Variants in MED27 observed in about 807,000 individuals in gnomAD.
MED27 encodes mediator complex subunit 27, also known as mediator of RNA polymerase II transcription subunit 27.
In MED27, 30 loss-of-function variants were observed where a neutral mutation model predicts 38.2. The observed-to-expected ratio is 0.79, with a 90% CI of 0.59 to 1.07. MED27 has a LOEUF of 1.07. MED27 is among the 50% of genes least tolerant of loss of function. The pLI is 0.00. For synonymous variants in MED27, 122 were observed against 153.5 expected, an observed-to-expected ratio of 0.79 and a Z score of 1.52; for missense variants, 289 against 397.5, an observed-to-expected ratio of 0.73 and a Z score of 2.32.
chr9:132,012,046 G>T, intron 3 of MED27, among the ~76,000 whole-genome samples: 1 of 151,528 alleles, frequency 6.6e-6, no homozygotes. Context: ...CCTGTAAACA[G>T]GTTTCAAGCC....
intron 3 of MED27, among the ~76,000 whole-genome samples, chr9:131,963,266 A>C (rs1733861226): frequency 6.6e-6 from 1 of 152,188 alleles, no homozygotes; most frequent in Non-Finnish European, 1.5e-5. Context: ...TGTTCCAAAC[A>C]GATTAAGTTT....
intron 4 of MED27, among the ~76,000 whole-genome samples, chr9:131,894,985 C>T (rs1440072493): frequency 1.3e-5 from 2 of 152,142 alleles, no homozygotes; most frequent in East Asian, 3.9e-4. Context: ...TCACACGTGT[C>T]TGCCTCCCCT....
chr9:132,053,478 T>C (rs1360073765), intron 2 of MED27, among the ~76,000 whole-genome samples: 1 of 152,198 alleles, frequency 6.6e-6, no homozygotes, highest in Middle Eastern at 3.4e-3. Flanking sequence ...GGAAAGTCTA[T>C]TGAGAGGCTT....
intron 3 of MED27, among the ~76,000 whole-genome samples, chr9:131,962,962 A>G (rs1488925779): frequency 6.6e-6 from 1 of 152,232 alleles, no homozygotes; most frequent in African/African-American, 2.4e-5. Flanking sequence ...TGTGGACGAC[A>G]TTTCAGCATT....
At position 131,933,060 on chromosome 9, in the gene MED27, C is replaced by T. The variant is rs185244465; in HGVS notation, c.573+6321G>A. Among the ~76,000 whole-genome samples, 163 of 152,134 alleles carry T rather than the reference C, an allele frequency of 1.1e-3. 1 individual carries two copies. Among genetic ancestry groups the T allele is most frequent in the African/African-American group, 3.8e-3 (158 of 41,532 alleles). Reference sequence around the variant, plus strand: ...ATACTGAAAAAACATTTGATAAAAACCAACATCATTTTATGATAAAAACCT... The same window carrying T: ...ATACTGAAAAAACATTTGATAAAAATCAACATCATTTTATGATAAAAACCT... On this transcript the variant is annotated intron_variant, in intron 4 of 7. Coordinates refer to ENST00000292035, the MANE Select transcript of MED27 (RefSeq NM_004269.4).
intron 6 of MED27, among the ~76,000 whole-genome samples, chr9:131,864,453 A>C (rs1013183948): frequency 2.0e-5 from 3 of 152,244 alleles, no homozygotes; most frequent in Non-Finnish European, 4.4e-5. Context: ...ACTGCACTCC[A>C]GCCTGGGCGA....
At chr9:131,877,842 T>C (rs1838963935) in intron 6 of MED27, among the ~76,000 whole-genome samples, 1 of 152,186 alleles carries the variant, frequency 6.6e-6, no homozygotes, top group Non-Finnish European at 1.5e-5. Flanking sequence ...CAACGCAATA[T>C]CAGGTGTCCA....
Position 132,004,827 on chromosome 9 carries a change from G to T in MED27, c.479+9510C>A, listed in dbSNP as rs749885204. Among the ~76,000 whole-genome samples the T allele has an allele frequency of 1.2e-3, 177 of 152,334 alleles. 1 individual carries two copies. The highest frequency in any genetic ancestry group is 2.6e-4 in the Non-Finnish European group (18 of 68,038). The stretch of plus-strand genomic sequence containing the variant: ...AGGATGTTTTGAGCCTCATCAGCCA[G>T]GTGAGCAGCACACAGAGGAACGAGC... On this transcript the variant is annotated intron_variant, in intron 3 of 7. Transcript: ENST00000292035.
intron 4 of MED27, among the ~76,000 whole-genome samples, chr9:131,915,479 G>A (rs1191462088): frequency 6.6e-6 from 1 of 152,104 alleles, no homozygotes; most frequent in Non-Finnish European, 1.5e-5. Context: ...GATGGGGAGG[G>A]GGAAAAGACA....
At chr9:132,007,777 G>C (rs1589262651) in intron 3 of MED27, among the ~76,000 whole-genome samples, 1 of 152,064 alleles carries the variant, frequency 6.6e-6, no homozygotes, top group African/African-American at 2.4e-5. Flanking sequence ...GCCAGGAGTA[G>C]GTGAGAGGGA....
chr9:132,019,692 G>A (rs1832678473), intron 2 of MED27, among the ~76,000 whole-genome samples: 1 of 152,238 alleles, frequency 6.6e-6, no homozygotes, highest in Admixed American at 6.5e-5. Context: ...CCATTCGCAG[G>A]AGGACGGTGG....
intron 4 of MED27, among the ~76,000 whole-genome samples, chr9:131,934,076 C>T (rs879837094): frequency 3.3e-5 from 5 of 152,080 alleles, no homozygotes; most frequent in South Asian, 2.1e-4. Flanking sequence ...TTTCCATATG[C>T]AGAAGAATGA....
chr9:131,892,193 G>T (rs1181648216), intron 5 of MED27, among the ~76,000 whole-genome samples: 8 of 152,146 alleles, frequency 5.3e-5, no homozygotes, highest in Admixed American at 5.2e-4. Context: ...GGGAAGACAA[G>T]AAAGAAGGAA....
At chr9:131,956,233 A>T (rs1831095122) in intron 3 of MED27, among the ~76,000 whole-genome samples, 1 of 152,376 alleles carries the variant, frequency 6.6e-6, no homozygotes, top group Middle Eastern at 3.4e-3. Flanking sequence ...CCATAGAGAC[A>T]GAAAGTAGAA....
At chr9:132,018,192 T>C (rs1430339832) in intron 2 of MED27, among the ~76,000 whole-genome samples, 1 of 152,206 alleles carries the variant, frequency 6.6e-6, no homozygotes, top group African/African-American at 2.4e-5. Context: ...GTATTTGATG[T>C]GAAGGAATGT....
chr9:132,034,247 GA>G (rs1833024683), intron 2 of MED27, among the ~76,000 whole-genome samples: 1 of 152,172 alleles, frequency 6.6e-6, no homozygotes, highest in African/African-American at 2.4e-5. Flanking sequence ...ATCTGAAGCA[GA>G]AAACAAGTGA....
intron 2 of MED27, among the ~76,000 whole-genome samples, chr9:132,037,455 G>T (rs146906499): frequency 6.6e-6 from 1 of 152,280 alleles, no homozygotes; most frequent in Non-Finnish European, 1.5e-5. Context: ...CTACACAACA[G>T]AAGAGTAATC....
intron 3 of MED27, among the ~76,000 whole-genome samples, chr9:131,958,938 C>G (rs981284603): frequency 6.6e-6 from 1 of 152,218 alleles, no homozygotes; most frequent in African/African-American, 2.4e-5. Context: ...AGCCCTTTGG[C>G]TCTTTATTTG....
chr9:131,973,883 A>ATT (rs542563287), intron 3 of MED27, among the ~76,000 whole-genome samples: 63 of 132,868 alleles, frequency 4.7e-4, no homozygotes, highest in African/African-American at 1.3e-3. Context: ...GATTTTTTCT[A>ATT]TTTTTTTTTT....
Sources: allele counts gnomAD v4.1 joint callset (sites outside exome capture counted in the v4.1 genomes callset), GRCh38; gene constraint gnomAD v4.1.1; transcripts MANE v1.5; gene names NCBI Gene and HGNC (gene_info 2026-07-23, HGNC 2026-07-21).